Variants in DOCK8 observed in about 807,000 individuals in gnomAD.
The protein encoded by DOCK8 is dedicator of cytokinesis 8.
DOCK8 carries 141 observed loss-of-function variants against 245.6 expected under a neutral mutation model. That is an observed-to-expected ratio of 0.57 (90% CI 0.50 to 0.66). The LOEUF (loss-of-function observed/expected upper bound fraction) is 0.66. Among genes scored for constraint, DOCK8 ranks in the 30% least tolerant of loss-of-function variants. The pLI is 0.00. For synonymous variants in DOCK8, 1,168 were observed against 970.2 expected (o/e 1.20, Z -3.79); for missense variants, 2,965 against 2,603.4 (o/e 1.14, Z -3.02).
intron 46 of DOCK8, among the ~76,000 whole-genome samples, chr9:459,372 A>G (rs1242851052): frequency 1.3e-5 from 2 of 152,254 alleles, no homozygotes; most frequent in Non-Finnish European, 2.9e-5. Context: ...AAAGACATAA[A>G]GTAATATTAC....
Position 426,914 on chromosome 9 carries a change from T to C in DOCK8, c.4271T>C (p.Leu1424Ser), listed in dbSNP as rs2056524361. ...KTKAELDQEA[L>S]ISGNLATEAH... is the part of the protein sequence containing the mutation. Reference sequence around the variant, plus strand: ...AAGGCCGAGTTAGATCAAGAAGCCTTGATCAGTGGCAATCTGGCTACAGAA... The same window carrying C: ...AAGGCCGAGTTAGATCAAGAAGCCTCGATCAGTGGCAATCTGGCTACAGAA... Residue 1424 changes from leucine to serine, a missense_variant, in exon 34 of 48, where the codon TTG becomes TCG. Around this residue, in one of 3 missense-constraint regions of DOCK8, gnomAD observed 2,825 missense variants for 2,453.5 expected, o/e 1.15. Transcript: ENST00000432829. 6 of 1,614,166 alleles carry C rather than the reference T, an allele frequency of 3.7e-6. No homozygotes were observed. The East Asian group carries it at 1.3e-4, about 36-fold the overall frequency.
chr9:331,389 C>G (rs17722303), intron 9 of DOCK8, among the ~76,000 whole-genome samples: 28,921 of 152,142 alleles, frequency 0.19, 2,991 homozygotes, highest in Non-Finnish European at 0.22. Flanking sequence ...GCTTGGAGTC[C>G]TCCCTGAAGC....
intron 29 of DOCK8, among the ~76,000 whole-genome samples, chr9:415,578 T>C (rs1341442061): frequency 2.0e-5 from 3 of 152,218 alleles, no homozygotes; most frequent in African/African-American, 7.2e-5. Context: ...TTAAGGAATG[T>C]AGAGGGAAAA....
intron 18 of DOCK8, among the ~76,000 whole-genome samples, chr9:374,565 A>G (rs1281358344): frequency 6.8e-6 from 1 of 146,854 alleles, no homozygotes; most frequent in Non-Finnish European, 1.5e-5. Context: ...AGGCTCAAGC[A>G]GTCGTCTCAC....
chr9:307,364 T>G lies in DOCK8; in HGVS notation c.528+2660T>G, dbSNP rs1442414182. Among the ~76,000 whole-genome samples the G allele has an allele frequency of 1.2e-4, 9 of 73,456 alleles. 1 individual carries two copies. The highest frequency in any genetic ancestry group is 1.8e-4 in the Non-Finnish European group (6 of 34,192). The allele number at this position is 73,456 out of a possible 152,430, so 48.2% of individuals were successfully genotyped here. ...TTTTTTTTTTTTTTTTTTTTTTTTT[T>G]TTTTTTTTTTTTGAGATGGAGTTTT... On this transcript the variant is annotated intron_variant, in intron 5 of 47. Coordinates refer to ENST00000432829, the MANE Select transcript of DOCK8 (RefSeq NM_203447.4).
At chr9:363,773 A>G (rs774544502) in intron 14 of DOCK8, among the ~76,000 whole-genome samples, 1 of 152,100 alleles carries the variant, frequency 6.6e-6, no homozygotes, top group Non-Finnish European at 1.5e-5. Context: ...TGTGGTGGTG[A>G]TGTTTGGATA....
intron 14 of DOCK8, among the ~76,000 whole-genome samples, chr9:358,799 A>T (rs2052576588): frequency 6.6e-6 from 1 of 152,194 alleles, no homozygotes; most frequent in Non-Finnish European, 1.5e-5. Flanking sequence ...CAGTGAACTG[A>T]GATCACGCCA....
intron 28 of DOCK8, among the ~76,000 whole-genome samples, chr9:409,901 T>G (rs1349647189): frequency 6.6e-6 from 1 of 152,182 alleles, no homozygotes; most frequent in Non-Finnish European, 1.5e-5. Flanking sequence ...CTGCATAGTA[T>G]TCCATGGTGT....
intron 28 of DOCK8, among the ~76,000 whole-genome samples, chr9:408,703 G>A (rs540267033): frequency 3.9e-5 from 6 of 152,242 alleles, no homozygotes; most frequent in South Asian, 2.1e-4. Flanking sequence ...TTACAATAGC[G>A]TAGTTTCTAT....
intron 1 of DOCK8, among the ~76,000 whole-genome samples, chr9:259,456 T>A (rs1200174319): frequency 6.6e-6 from 1 of 152,260 alleles, no homozygotes; most frequent in African/African-American, 2.4e-5. Flanking sequence ...ACCCATATAA[T>A]AAGCATAGTA....
intron 5 of DOCK8, 27 bp downstream of exon 5, chr9:304,731 C>T (rs2049733187): frequency 6.2e-7 from 1 of 1,613,858 alleles, no homozygotes; most frequent in Non-Finnish European, 8.5e-7. Flanking sequence ...AACATGGTTA[C>T]CAGGTTACTG....
At chr9:367,452 C>G (rs2053063105) in intron 14 of DOCK8, among the ~76,000 whole-genome samples, 1 of 152,066 alleles carries the variant, frequency 6.6e-6, no homozygotes, top group Non-Finnish European at 1.5e-5. Context: ...ACTGGGTAGC[C>G]TAGTACCTGT....
rs1409675309 is a variant in DOCK8 at position 427,096 on chromosome 9, T to A, written c.4338+115T>A. 15 of 885,070 alleles carry A rather than the reference T, an allele frequency of 1.7e-5. No individual in the cohort carries two copies. The East Asian group carries it at 3.4e-4, about 20-fold the overall frequency. 54.8% of individuals were successfully genotyped at this position (885,070 alleles called of 1,614,324 possible). On this transcript the variant is annotated intron_variant, in intron 34 of 47. Coordinates refer to ENST00000432829, the MANE Select transcript of DOCK8 (RefSeq NM_203447.4). ...AAATGTGATCCCATAGTACCTTTTT[T>A]AAAAAAATGAAGTTGAGAAGTTTAC...
chr9:332,550 A>G, intron 10 of DOCK8, 72 bp downstream of exon 10: 2 of 1,064,596 alleles, frequency 1.9e-6, no homozygotes, highest in South Asian at 2.5e-5. Context: ...TGTTACACAA[A>G]TAGTTAATGG....
At chr9:338,010 C>T (rs571719178) in intron 12 of DOCK8, among the ~76,000 whole-genome samples, 9 of 152,084 alleles carry the variant, frequency 5.9e-5, no homozygotes, top group African/African-American at 1.7e-4. Context: ...AAAAGTTAGC[C>T]GGGTGTGGTG....
chr9:376,156 G>C (rs2053505907), intron 18 of DOCK8, 54 bp from the exon 19 acceptor site: 2 of 1,278,766 alleles, frequency 1.6e-6, no homozygotes, highest in African/African-American at 2.9e-5. Flanking sequence ...TTGCTTGTTA[G>C]TAATCAGAAA....
chr9:334,305 C>G lies in DOCK8; in HGVS notation c.1206C>G (p.Ala402=). The change falls in exon 11 of 48, where the codon GCC becomes GCG. Residue 402 remains alanine (A), a synonymous_variant. Transcript: ENST00000432829. ...QRLGKYRMPF[A]WAPISLSSFF... is the part of the protein sequence containing the mutation. ...TGGGGAAATACCGGATGCCCTTTGC[C>G]TGGGCACCCATAAGCTTATCAAGCT... is the stretch of plus-strand genomic sequence containing the variant. 2 of 1,614,184 alleles carry G rather than the reference C, an allele frequency of 1.2e-6. No homozygotes were observed. The highest frequency in any genetic ancestry group is 1.7e-6 in the Non-Finnish European group (2 of 1,180,008).
chr9:401,010 C>T lies in DOCK8; in HGVS notation c.3234+1751C>T, dbSNP rs75253141. 6.9e-3 allele frequency among the ~76,000 whole-genome samples: 564 copies of T among 82,158 alleles called. 91 individuals are homozygous for T. Among genetic ancestry groups the T allele is most frequent in the African/African-American group, 0.031 (207 of 6,660 alleles). The allele number at this position is 82,158 out of a possible 152,430, so 53.9% of individuals were successfully genotyped here. On this transcript the variant is annotated intron_variant, in intron 26 of 47. Coordinates refer to ENST00000432829, the MANE Select transcript of DOCK8 (RefSeq NM_203447.4). ...TCCTCCACCACCACCACCATTAGCT[C>T]CACCATGACCACCTCCTTCACCTCC...
chr9:328,554 G>T (rs2050863277), intron 9 of DOCK8, among the ~76,000 whole-genome samples: 1 of 152,184 alleles, frequency 6.6e-6, no homozygotes, highest in Non-Finnish European at 1.5e-5. Flanking sequence ...ATTAAGGAGA[G>T]TTCCCTCAGT....
Sources: gnomAD v4.1 joint callset for allele counts (sites outside exome capture counted in the v4.1 genomes callset) on GRCh38, gnomAD v4.1.1 for gene constraint, gnomAD v4.1.1 regional missense constraint, MANE v1.5 for transcripts, NCBI Gene and HGNC (gene_info 2026-07-23, HGNC 2026-07-21) for gene names.